The following PEAK1 variants were observed in gnomAD, a reference collection of about 807,000 sequenced individuals.
PEAK1 encodes inactive tyrosine-protein kinase PEAK1.
A neutral mutation model predicts 124.7 loss-of-function variants in PEAK1; 54 were observed. The observed-to-expected ratio is 0.43, with a 90% confidence interval of 0.35 to 0.54. The LOEUF (loss-of-function observed/expected upper bound fraction) is 0.54, where lower values mean the gene tolerates loss of function less well. Among genes scored for constraint, PEAK1 ranks in the 20% least tolerant of loss-of-function variants. PEAK1 has a pLI of 0.01. For missense variants in PEAK1, 2,046 were observed against 2,134.5 expected, an observed-to-expected ratio of 0.96 and a Z score of 0.82; for synonymous variants, 719 against 760.0, an observed-to-expected ratio of 0.95 and a Z score of 0.89.
At chr15:77,352,157 G>C (rs1177170749) in intron 2 of PEAK1, 2 of 944,348 alleles carry the variant, frequency 2.1e-6, no homozygotes, top group Non-Finnish European at 2.5e-6. Context: ...AGTGAATTAT[G>C]ATCACCACTG....
At chr15:77,346,750 G>GA in intron 2 of PEAK1, 1 of 981,806 alleles carries the variant, frequency 1.0e-6, no homozygotes, top group Non-Finnish European at 1.2e-6. Flanking sequence ...ATAGCTGGTA[G>GA]AAAAAATATT....
At chr15:77,283,736 T>C (rs1051421664) in intron 5 of PEAK1, 147 bp downstream of exon 5, 37 of 214,916 alleles carry the variant, frequency 1.7e-4, no homozygotes, top group African/African-American at 5.6e-4. Flanking sequence ...TTATAAAGTA[T>C]GATTTCTCTT....
chr15:77,274,813 A>G (rs923143676), intron 5 of PEAK1, among the ~76,000 whole-genome samples: 25 of 152,244 alleles, frequency 1.6e-4, no homozygotes, highest in African/African-American at 6.0e-4. Context: ...CCACTCCTGG[A>G]TATCTATTCA....
intron 1 of PEAK1, chr15:77,418,570 A>T: frequency 7.1e-6 from 7 of 984,962 alleles, no homozygotes; most frequent in Non-Finnish European, 8.4e-6. Context: ...AAAATGTACC[A>T]TATCTGCCAT....
At position 77,114,682 on chromosome 15, in the gene PEAK1, C is replaced by T. The variant is rs376471511; in HGVS notation, c.4715G>A (p.Arg1572Gln). ...KSHLVDPEIL[R>Q]DQSRLAPEII... ...CTCTGGGGCAAGGCGAGACTGGTCC[C>T]GGAGGATCTCGGGGTCCACCAGATG... Residue 1572 changes from arginine (R) to glutamine (Q), a missense_variant, in exon 10 of 10, where the codon CGG (arginine) becomes CAG (glutamine). Coordinates refer to ENST00000682557, the MANE Select transcript of PEAK1 (RefSeq NM_001385026.1). 2.4e-5 allele frequency: 39 copies of T among 1,613,522 alleles called. No individual in the cohort carries two copies. Among genetic ancestry groups the T allele is most frequent in the East Asian group, 8.9e-5 (4 of 44,824 alleles).
chr15:77,195,517 T>C (rs562872125), intron 6 of PEAK1, among the ~76,000 whole-genome samples: 2 of 152,070 alleles, frequency 1.3e-5, no homozygotes, highest in East Asian at 3.9e-4. Context: ...AAGCATAATA[T>C]CTGAGCAGAC....
chr15:77,242,492 T>C (rs1382704483), intron 6 of PEAK1, among the ~76,000 whole-genome samples: 1 of 152,122 alleles, frequency 6.6e-6, no homozygotes, highest in East Asian at 1.9e-4. Context: ...AAAGTGCATG[T>C]CTTTGAGGAA....
intron 7 of PEAK1, among the ~76,000 whole-genome samples, chr15:77,164,061 AAAAAC>A (rs1278973204): frequency 3.3e-5 from 5 of 152,204 alleles, no homozygotes; most frequent in South Asian, 4.1e-4. Context: ...GAAAGGGAGA[AAAAAC>A]AAAACAAAAC....
chr15:77,397,225 G>A (rs963730964), intron 1 of PEAK1, among the ~76,000 whole-genome samples: 1 of 152,012 alleles, frequency 6.6e-6, no homozygotes, highest in Non-Finnish European at 1.5e-5. Context: ...GGTCAATGAG[G>A]AAATCAAGAA....
chr15:77,266,789 A>T (rs1270107781), intron 5 of PEAK1, among the ~76,000 whole-genome samples: 1 of 152,156 alleles, frequency 6.6e-6, no homozygotes, highest in Non-Finnish European at 1.5e-5. Context: ...CTGCTCCAAC[A>T]ACTACCACAA....
rs117634665 is a variant in PEAK1, at chr15:77,230,622, G to A, written c.-115+21745C>T. Among the ~76,000 whole-genome samples, 842 of 152,198 alleles carry A rather than the reference G, an allele frequency of 5.5e-3. 3 individuals carry two copies. Among genetic ancestry groups the A allele is most frequent in the Middle Eastern group, 0.017 (5 of 294 alleles). ...TATCAAACAACAAGAAGTGAGCTGG[G>A]CACAGTGGCTCATACCTGTAATCCC... On this transcript the variant is annotated intron_variant, in intron 6 of 9. Transcript: ENST00000682557.
At chr15:77,210,558 G>A (rs1046929003) in intron 6 of PEAK1, among the ~76,000 whole-genome samples, 1 of 152,164 alleles carries the variant, frequency 6.6e-6, no homozygotes, top group African/African-American at 2.4e-5. Context: ...GGAATCTGAA[G>A]GAATAGGAAG....
chr15:77,322,211 T>A (rs1272166299), intron 2 of PEAK1, among the ~76,000 whole-genome samples: 1 of 151,996 alleles, frequency 6.6e-6, no homozygotes, highest in Non-Finnish European at 1.5e-5. Flanking sequence ...ACATCACAAT[T>A]AAACGAACTA....
At chr15:77,408,050 T>C (rs576604262) in intron 1 of PEAK1, among the ~76,000 whole-genome samples, 1 of 150,558 alleles carries the variant, frequency 6.6e-6, no homozygotes, top group African/African-American at 2.4e-5. Context: ...TATATACACA[T>C]ACATGCATAG....
intron 1 of PEAK1, among the ~76,000 whole-genome samples, chr15:77,372,782 G>A (rs1465800679): frequency 6.6e-6 from 1 of 152,102 alleles, no homozygotes; most frequent in Non-Finnish European, 1.5e-5. Context: ...GTTTCTAATG[G>A]TTTAGCACCA....
intron 2 of PEAK1, chr15:77,333,185 T>C: frequency 1.1e-6 from 1 of 933,744 alleles, no homozygotes; most frequent in Non-Finnish European, 1.3e-6. Context: ...AGGTCTCACT[T>C]TATTGCTCAG....
chr15:77,280,602 C>G (rs2062615212), intron 5 of PEAK1, among the ~76,000 whole-genome samples: 1 of 149,844 alleles, frequency 6.7e-6, no homozygotes, highest in African/African-American at 2.5e-5. Flanking sequence ...ATTCTAAAAC[C>G]TATTCCTATT....
intron 8 of PEAK1, among the ~76,000 whole-genome samples, chr15:77,148,448 G>A (rs2054329882): frequency 6.6e-6 from 1 of 152,142 alleles, no homozygotes; most frequent in Non-Finnish European, 1.5e-5. Context: ...TTCCCTGTTA[G>A]CTACCTTGGG....
At chr15:77,280,305 C>T (rs916430688) in intron 5 of PEAK1, among the ~76,000 whole-genome samples, 2 of 152,206 alleles carry the variant, frequency 1.3e-5, no homozygotes, top group Admixed American at 6.5e-5. Context: ...CATGCCACTG[C>T]ACTCCAGCCT....
Sources: allele counts gnomAD v4.1 joint callset (sites outside exome capture counted in the v4.1 genomes callset), GRCh38; gene constraint gnomAD v4.1.1; transcripts MANE v1.5; gene names NCBI Gene and HGNC (gene_info 2026-07-23, HGNC 2026-07-21).